Variants in PLA2R1 observed in about 807,000 individuals in gnomAD.
The protein encoded by PLA2R1 is secretory phospholipase A2 receptor.
A neutral mutation model predicts 195.9 loss-of-function variants in PLA2R1; 158 were observed. The ratio of observed to expected loss-of-function variants is 0.81; its 90% CI spans 0.71 to 0.92. The LOEUF is 0.92. Among genes scored for constraint, PLA2R1 ranks in the 40% least tolerant of loss-of-function variants. The pLI, the probability that PLA2R1 is intolerant of heterozygous loss-of-function variation, is 0.00. For missense variants in PLA2R1, 1,626 were observed against 1,764.6 expected (o/e 0.92, Z 1.41); for synonymous variants, 586 against 598.2 (o/e 0.98, Z 0.30).
Position 159,934,709 on chromosome 2 carries a change from G to C in PLA2R1, c.*7069C>G, listed in dbSNP as rs141379841. 8 of 152,154 alleles carry C rather than the reference G, an allele frequency of 5.3e-5. No individual in the cohort carries two copies. The East Asian group carries it at 1.5e-3, about 29-fold the overall frequency. 9.4% of individuals were successfully genotyped at this position (152,154 alleles called of 1,614,324 possible). A position where few individuals can be genotyped will look rare whatever the true frequency, so the allele number is the denominator to read the frequency against. On this transcript the variant is annotated 3_prime_UTR_variant, in exon 30 of 30. Coordinates refer to ENST00000283243, the MANE Select transcript of PLA2R1 (RefSeq NM_007366.5). ...ACTTTTTATATTGAAATGATTTTAGGTTTACAGAAAAATTGCCAACTTAGT... is the reference window on the plus strand; with the variant it reads ...ACTTTTTATATTGAAATGATTTTAGCTTTACAGAAAAATTGCCAACTTAGT...
At chr2:160,024,653 C>G (rs988971587) in intron 6 of PLA2R1, among the ~76,000 whole-genome samples, 1 of 152,176 alleles carries the variant, frequency 6.6e-6, no homozygotes, top group Admixed American at 6.5e-5. Context: ...GGTGCCTTGG[C>G]TGAGCTGAGC....
chr2:159,977,297 G>A lies in PLA2R1; in HGVS notation c.2388C>T (p.Cys796=), dbSNP rs1214332529. The A allele has an allele frequency of 6.2e-7, 1 of 1,611,056 alleles. No homozygotes were observed. The highest frequency in any genetic ancestry group is 1.1e-5 in the South Asian group (1 of 90,904). The change falls in exon 15 of 30, where the codon TGC becomes TGT. Residue 796 remains cysteine (C), a synonymous_variant. Coordinates refer to ENST00000283243, the MANE Select transcript of PLA2R1 (RefSeq NM_007366.5). Reference sequence around the variant, plus strand: ...TACTATTTTTACCTCTTGGGATTTTGCATATCCATTCACGTTTGGAACCAC... The same window carrying A: ...TACTATTTTTACCTCTTGGGATTTTACATATCCATTCACGTTTGGAACCAC... The part of the protein sequence containing the change: ...LHCGSKREWI[C]KIPRDVKPKI...
intron 6 of PLA2R1, among the ~76,000 whole-genome samples, chr2:160,024,261 T>C (rs1693354300): frequency 6.6e-6 from 1 of 152,130 alleles, no homozygotes; most frequent in Non-Finnish European, 1.5e-5. Flanking sequence ...ACTGCACCAC[T>C]TCTACCTCGT....
chr2:160,028,987 C>CAA, intron 4 of PLA2R1, 24 bp from the exon 5 acceptor site: 2 of 1,180,170 alleles, frequency 1.7e-6, no homozygotes, highest in Non-Finnish European at 2.5e-6. Flanking sequence ...TATGGAGCTT[C>CAA]AAAAAAAAAA....
Position 159,970,222 on chromosome 2 carries a change from GAA to G in PLA2R1, c.2596-12_2596-11del. 5 of 1,594,560 alleles carry G rather than the reference GAA, an allele frequency of 3.1e-6. No homozygotes were observed. Among genetic ancestry groups the G allele is most frequent in the Non-Finnish European group, 4.3e-6 (5 of 1,168,358 alleles). ...CACCATACTTTGATAGCTATTGAAA[GAA>G]AAAAAGTCAGCATTTATTCTACTTG... is the stretch of plus-strand genomic sequence containing the variant. On this transcript the variant is annotated splice_polypyrimidine_tract_variant and intron_variant, in intron 17 of 29. Transcript: ENST00000283243.
At chr2:160,060,486 C>T (rs1278539775) in intron 1 of PLA2R1, among the ~76,000 whole-genome samples, 1 of 152,224 alleles carries the variant, frequency 6.6e-6, no homozygotes, top group Non-Finnish European at 1.5e-5. Flanking sequence ...GGGAGAGAGC[C>T]TGTGCCTGTG....
At position 159,995,503 on chromosome 2, in the gene PLA2R1, T is replaced by C. The variant is rs1440767270; in HGVS notation, c.1835-8145A>G. 1.3e-5 allele frequency among the ~76,000 whole-genome samples: 2 copies of C among 152,078 alleles called. 1 individual carries two copies. The highest frequency in any genetic ancestry group is 2.9e-5 in the Non-Finnish European group (2 of 67,994). On this transcript the variant is annotated intron_variant, in intron 11 of 29. Transcript: ENST00000283243. ...ATTCCTAACAAAATTCCAAAGTATA[T>C]AGAAATGATACCTAAACTTTTATTT... is the stretch of plus-strand genomic sequence containing the variant.
intron 3 of PLA2R1, among the ~76,000 whole-genome samples, chr2:160,038,586 G>A (rs75537496): frequency 0.011 from 1,642 of 152,294 alleles, 32 homozygotes; most frequent in African/African-American, 0.038. Flanking sequence ...ATGCAGGTAG[G>A]CTTAAAGGTG....
intron 3 of PLA2R1, among the ~76,000 whole-genome samples, chr2:160,040,044 A>G (rs1309431228): frequency 1.3e-5 from 2 of 151,904 alleles, no homozygotes; most frequent in East Asian, 3.9e-4. Context: ...AATGACCTCT[A>G]TTGGGGATGG....
chr2:160,028,462 G>T lies in PLA2R1; in HGVS notation c.956-101C>A, dbSNP rs561305087. On this transcript the variant is annotated intron_variant, in intron 5 of 29. Transcript: ENST00000283243. ...GCATCGGGGGACAGCGTTTCTATTT[G>T]TCATATATAGTAAATCCTATAAGAT... 105 of 790,172 alleles carry T rather than the reference G, an allele frequency of 1.3e-4. No individual in the cohort carries two copies. In the African/African-American group the frequency reaches 1.7e-3, roughly 12 times the overall value. The allele number at this position is 790,172 out of a possible 1,614,324, so 48.9% of individuals were successfully genotyped here.
chr2:160,041,515 A>T (rs887780602), intron 3 of PLA2R1, among the ~76,000 whole-genome samples: 17 of 152,242 alleles, frequency 1.1e-4, no homozygotes, highest in African/African-American at 4.1e-4. Context: ...AAGGGAGTCA[A>T]GACGAGAATC....
At chr2:159,952,388 G>A (rs1046050961) in intron 23 of PLA2R1, among the ~76,000 whole-genome samples, 2 of 152,052 alleles carry the variant, frequency 1.3e-5, no homozygotes, top group Admixed American at 6.6e-5. Context: ...TAGAACATAT[G>A]TTAGGATATG....
At chr2:159,959,931 C>T (rs1373245988) in intron 20 of PLA2R1, among the ~76,000 whole-genome samples, 1 of 152,164 alleles carries the variant, frequency 6.6e-6, no homozygotes, top group African/African-American at 2.4e-5. Context: ...TTCCTAACTG[C>T]TCTTACCTTT....
Position 159,938,879 on chromosome 2 carries a change from T to G in PLA2R1, c.*2899A>C, listed in dbSNP as rs1686952312. Reference sequence around the variant, plus strand: ...AGTGGACCCTTCAAGAGAAGAAATATTTAACCCGAAAGAAGACTGTTGTAA... The same window carrying G: ...AGTGGACCCTTCAAGAGAAGAAATAGTTAACCCGAAAGAAGACTGTTGTAA... On this transcript the variant is annotated 3_prime_UTR_variant, in exon 30 of 30. Coordinates refer to ENST00000283243, the MANE Select transcript of PLA2R1 (RefSeq NM_007366.5). The G allele has an allele frequency of 6.6e-6, 1 of 152,190 alleles. No homozygotes were observed. Among genetic ancestry groups the G allele is most frequent in the Non-Finnish European group, 1.5e-5 (1 of 68,038 alleles). 9.4% of individuals were successfully genotyped at this position (152,190 alleles called of 1,614,324 possible).
intron 20 of PLA2R1, among the ~76,000 whole-genome samples, chr2:159,966,250 C>T (rs1688781102): frequency 6.6e-6 from 1 of 152,098 alleles, no homozygotes; most frequent in Non-Finnish European, 1.5e-5. Flanking sequence ...TGTGGGTGAA[C>T]CTTGAGGACA....
intron 4 of PLA2R1, among the ~76,000 whole-genome samples, chr2:160,030,802 G>A (rs957651002): frequency 5.3e-5 from 8 of 152,120 alleles, no homozygotes; most frequent in Non-Finnish European, 8.8e-5. Context: ...ACAGGTTTCT[G>A]TCTTTATGAA....
At chr2:159,985,155 GCAAAT>G (rs1690238397) in intron 12 of PLA2R1, among the ~76,000 whole-genome samples, 1 of 152,142 alleles carries the variant, frequency 6.6e-6, no homozygotes. Flanking sequence ...GTGATCTTGG[GCAAAT>G]CACTACATTT....
chr2:160,026,701 G>A (rs1422859163), intron 6 of PLA2R1, among the ~76,000 whole-genome samples: 10 of 152,096 alleles, frequency 6.6e-5, no homozygotes, highest in Admixed American at 6.5e-4. Flanking sequence ...ACTGCTATTT[G>A]GGAAACAAAA....
chr2:160,058,526 T>G (rs1695724939), intron 1 of PLA2R1, among the ~76,000 whole-genome samples: 2 of 152,062 alleles, frequency 1.3e-5, no homozygotes, highest in Non-Finnish European at 2.9e-5. Context: ...TTTATCATTT[T>G]TCAACCCTCA....
Sources: gnomAD v4.1 joint callset for allele counts (sites outside exome capture counted in the v4.1 genomes callset) on GRCh38, gnomAD v4.1.1 for gene constraint, MANE v1.5 for transcripts, NCBI Gene and HGNC (gene_info 2026-07-23, HGNC 2026-07-21) for gene names.